PFKFB2: variants seen among roughly 807,000 people sequenced by gnomAD.
PFKFB2 encodes the protein 6-phosphofructo-2-kinase/fructose-2,6-biphosphatase 2, also known as 6-phosphofructo-2-kinase/fructose-2,6-bisphosphatase 2.
A neutral mutation model predicts 68.0 loss-of-function variants in PFKFB2; 53 were observed. The ratio of observed to expected loss-of-function variants is 0.78; its 90% CI spans 0.63 to 0.98. PFKFB2 has a LOEUF of 0.98. Ranked by LOEUF, PFKFB2 falls within the 50% of genes least tolerant of loss-of-function variation. The pLI is 0.00. For missense variants in PFKFB2, 451 were observed against 642.0 expected (o/e 0.70, Z 3.22); for synonymous variants, 222 against 227.6 (o/e 0.98, Z 0.22).
At position 207,063,117 on chromosome 1, in the gene PFKFB2, G is replaced by A; in HGVS notation, c.309-26G>A. The stretch of plus-strand genomic sequence containing the variant: ...TGACTGTTTGAGCTTAGCTCTCCTT[G>A]CTGGTTTCATTTGCTCTTATGGCAG... On this transcript the variant is annotated intron_variant, in intron 4 of 14. Coordinates refer to ENST00000367080, the MANE Select transcript of PFKFB2 (RefSeq NM_006212.2). This position sits in a 1 kb window ranked among gnomAD's most constrained non-coding sequence, Gnocchi z 4.1. The A allele has an allele frequency of 6.2e-7, 1 of 1,602,974 alleles. No homozygotes were observed. The highest frequency in any genetic ancestry group is 8.5e-7 in the Non-Finnish European group (1 of 1,170,120).
At chr1:207,061,875 C>A in intron 2 of PFKFB2, 78 bp from the exon 3 acceptor site, 1 of 1,247,574 alleles carries the variant, frequency 8.0e-7, no homozygotes, top group South Asian at 1.2e-5. Flanking sequence ...AGTGAGACTC[C>A]GTCTCAAAAA....
Position 207,077,529 on chromosome 1 carries a change from A to G in PFKFB2, c.*5158A>G, listed in dbSNP as rs991724188. ...GGCAAAATCAAAGGGCTGATCATACATGGTGCCCTTTGGGAAGGGGGATGG... is the reference window on the plus strand; with the variant it reads ...GGCAAAATCAAAGGGCTGATCATACGTGGTGCCCTTTGGGAAGGGGGATGG... On this transcript the variant is annotated 3_prime_UTR_variant, in exon 15 of 15. Transcript: ENST00000367080. 1.0e-6 allele frequency: 1 copy of G among 985,732 alleles called. No homozygotes were observed. The allele number at this position is 985,732 out of a possible 1,614,324, so 61.1% of individuals were successfully genotyped here.
At chr1:207,036,976 C>G (rs1486544233) in intron 1 of PFKFB2, among the ~76,000 whole-genome samples, 2 of 152,198 alleles carry the variant, frequency 1.3e-5, no homozygotes, top group Non-Finnish European at 2.9e-5. Context: ...TCTCTTTGTC[C>G]TTGAGTGTAA....
chr1:207,041,180 G>A (rs763294095), intron 1 of PFKFB2, among the ~76,000 whole-genome samples: 72 of 151,400 alleles, frequency 4.8e-4, no homozygotes, highest in Non-Finnish European at 9.3e-4. Context: ...GCCCTGCCTC[G>A]GCCTCCCAAA....
chr1:207,065,210 G>T (rs1389738259), intron 8 of PFKFB2, 50 bp downstream of exon 8: 4 of 1,600,490 alleles, frequency 2.5e-6, no homozygotes, highest in South Asian at 1.1e-5. Flanking sequence ...GGTCTCATCT[G>T]GGAAAATAAC....
upstream of PFKFB2, chr1:207,051,190 T>A: frequency 7.3e-7 from 1 of 1,371,924 alleles, no homozygotes; most frequent in South Asian, 1.6e-5. Flanking sequence ...CAACGGGTCT[T>A]GCTACCTATA....
At chr1:207,035,536 C>T (rs1682358492) in intron 1 of PFKFB2, among the ~76,000 whole-genome samples, 1 of 152,048 alleles carries the variant, frequency 6.6e-6, no homozygotes, top group African/African-American at 2.4e-5. Flanking sequence ...CACCTGCAGT[C>T]CCAGGTGCTC....
rs545579765 is a variant in PFKFB2, at chr1:207,074,771, A to G, written c.*2400A>G. 1.1e-4 allele frequency: 111 copies of G among 985,472 alleles called. 1 individual carries two copies. In the Middle Eastern group the frequency reaches 4.7e-3, roughly 42 times the overall value. The allele number at this position is 985,472 out of a possible 1,614,324, so 61.0% of individuals were successfully genotyped here. ...GAGGAAGGTTATTTTAAGAGACAGG[A>G]CATGTAATTTATAACAAATGGACAT... On this transcript the variant is annotated 3_prime_UTR_variant, in exon 15 of 15. Coordinates refer to ENST00000367080, the MANE Select transcript of PFKFB2 (RefSeq NM_006212.2).
chr1:207,072,275 T>C lies in PFKFB2; in HGVS notation c.1422T>C (p.Asn474=). The part of the protein sequence containing the change: ...RNSFTPLSSS[N]TIRRPRNYSV... The stretch of plus-strand genomic sequence containing the variant: ...GCTTTACGCCTCTGTCCAGTTCGAA[T>C]ACAATAAGGCGTCCAAGAAATTACA... The change falls in exon 15 of 15, where the codon AAT becomes AAC. Residue 474 remains asparagine (N), a synonymous_variant. Transcript: ENST00000367080. The C allele has an allele frequency of 1.2e-6, 2 of 1,614,166 alleles. No homozygotes were observed. Among genetic ancestry groups the C allele is most frequent in the African/African-American group, 2.7e-5 (2 of 75,036 alleles).
intron 2 of PFKFB2, among the ~76,000 whole-genome samples, chr1:207,059,898 C>G (rs570357898): frequency 6.6e-6 from 1 of 152,318 alleles, no homozygotes; most frequent in African/African-American, 2.4e-5. Context: ...TACAAGGTCC[C>G]TTAGTACCAG....
Position 207,075,512 on chromosome 1 carries a change from A to G in PFKFB2, c.*3141A>G. On this transcript the variant is annotated 3_prime_UTR_variant, in exon 15 of 15. Coordinates refer to ENST00000367080, the MANE Select transcript of PFKFB2 (RefSeq NM_006212.2). ...TTGAATGCATGTTGGTAATCTGTAT[A>G]CATTACTATGACTGTGTCTATCACA... The G allele has an allele frequency of 1.1e-5, 11 of 985,238 alleles. No homozygotes were observed. Among genetic ancestry groups the G allele is most frequent in the Non-Finnish European group, 1.3e-5 (11 of 829,718 alleles). The allele number at this position is 985,238 out of a possible 1,614,324, so 61.0% of individuals were successfully genotyped here.
chr1:207,076,398 T>G lies in PFKFB2; in HGVS notation c.*4027T>G. 1.0e-6 allele frequency: 1 copy of G among 985,350 alleles called. No homozygotes were observed. Among genetic ancestry groups the G allele is most frequent in the South Asian group, 4.7e-5 (1 of 21,284 alleles). The allele number at this position is 985,350 out of a possible 1,614,324, so 61.0% of individuals were successfully genotyped here. ...AATCTTATGCACATTCCATTGTCTT[T>G]GCCAAGCCCAGAAGCCATGTTGTGT... On this transcript the variant is annotated 3_prime_UTR_variant, in exon 15 of 15. Coordinates refer to ENST00000367080, the MANE Select transcript of PFKFB2 (RefSeq NM_006212.2).
In PFKFB2 at chr1:207,075,609, G is replaced by A; in HGVS notation, c.*3238G>A. The A allele has an allele frequency of 6.1e-6, 6 of 985,312 alleles. No homozygotes were observed. The highest frequency in any genetic ancestry group is 7.2e-6 in the Non-Finnish European group (6 of 829,844). The allele number at this position is 985,312 out of a possible 1,614,324, so 61.0% of individuals were successfully genotyped here. A position where few individuals can be genotyped will look rare whatever the true frequency, so the allele number is the denominator to read the frequency against. Reference sequence around the variant, plus strand: ...TGTAAGTTTTGTTTTGTGAGAAATAGGTAAAGACATTAGCATTTAATCTAC... The same window carrying A: ...TGTAAGTTTTGTTTTGTGAGAAATAAGTAAAGACATTAGCATTTAATCTAC... On this transcript the variant is annotated 3_prime_UTR_variant, in exon 15 of 15. Coordinates refer to ENST00000367080, the MANE Select transcript of PFKFB2 (RefSeq NM_006212.2).
chr1:207,037,338 A>C (rs2102313025), intron 1 of PFKFB2, among the ~76,000 whole-genome samples: 1 of 152,212 alleles, frequency 6.6e-6, no homozygotes, highest in Non-Finnish European at 1.5e-5. Context: ...CTCTTTCTTC[A>C]ACTAACTTTT....
rs752892784 is a variant in PFKFB2 at position 207,067,592 on chromosome 1, C to T, written c.726C>T (p.Leu242=). The change falls in exon 9 of 15, where the codon CTC becomes CTT. Residue 242 remains leucine (L), a synonymous_variant. Transcript: ENST00000367080. ...DYIQSKIVYY[L]MNIHVQPRTI... ...TCCAGAGCAAGATAGTCTACTACCT[C>T]ATGAATATCCACGTCCAGCCTCGCA... 1.1e-5 allele frequency: 18 copies of T among 1,613,662 alleles called. No individual in the cohort carries two copies. The highest frequency in any genetic ancestry group is 1.4e-5 in the Non-Finnish European group (17 of 1,179,794).
chr1:207,050,062 G>C (rs867229299), upstream of PFKFB2, among the ~76,000 whole-genome samples: 1 of 152,116 alleles, frequency 6.6e-6, no homozygotes, highest in African/African-American at 2.4e-5. Context: ...AGAGTAGGCC[G>C]CTAGGGGGTT....
At chr1:207,062,149 T>G (rs918604728) in intron 3 of PFKFB2, 71 bp downstream of exon 3, 1 of 1,601,020 alleles carries the variant, frequency 6.2e-7, no homozygotes, top group African/African-American at 1.3e-5. Context: ...GGGAGACTTA[T>G]TCTTCCTGGC....
At chr1:207,047,166 G>C (rs539780060) in intron 2 of PFKFB2, 1 of 152,608 alleles carries the variant, frequency 6.6e-6, no homozygotes, top group African/African-American at 2.4e-5. Flanking sequence ...CATTATGATT[G>C]CCAAACATTA....
At chr1:207,052,227 T>G, upstream of PFKFB2, 1 of 1,612,628 alleles carries the variant, frequency 6.2e-7, no homozygotes, top group Non-Finnish European at 8.5e-7. Context: ...TTATATGTAA[T>G]GTTTCCATCT....
Sources: allele counts gnomAD v4.1 joint callset (sites outside exome capture counted in the v4.1 genomes callset), GRCh38; gene constraint gnomAD v4.1.1; non-coding constraint Gnocchi (gnomAD v3.1); transcripts MANE v1.5; gene names NCBI Gene and HGNC (gene_info 2026-07-23, HGNC 2026-07-21).